Variants in CHRM5 observed in about 807,000 individuals in gnomAD.
CHRM5 encodes muscarinic acetylcholine receptor M5.
CHRM5 carries 18 observed loss-of-function variants against 39.0 expected under a neutral mutation model. That is an observed-to-expected ratio of 0.46 (90% confidence interval 0.32 to 0.68). The LOEUF is 0.68. Ranked by LOEUF, CHRM5 falls within the 30% of genes least tolerant of loss-of-function variation. The probability of loss-of-function intolerance (pLI) is 0.04; values close to 1 mark genes in which losing one functional copy is unlikely to be tolerated. For synonymous variants in CHRM5, 241 were observed against 246.3 expected (o/e 0.98, Z 0.20); for missense variants, 515 against 651.1 (o/e 0.79, Z 2.28).
chr15:34,064,305 A>G lies in CHRM5; in HGVS notation c.1588A>G (p.Lys530Glu), dbSNP rs763340823. ...EEKLYWQGNS[K>E]LP ...GAAGTTGTACTGGCAGGGGAACAGC[A>G]AGCTACCCTGAAAAGTCAACAACTC... is the stretch of plus-strand genomic sequence containing the variant. The change falls in exon 3 of 3, where the codon AAG (lysine) becomes GAG (glutamate). Residue 530 changes from lysine to glutamate, a missense_variant. By Grantham distance (56) the Lys-to-Glu change is moderately conservative (BLOSUM62 1). Transcript: ENST00000383263. 1 of 1,612,194 alleles carries G rather than the reference A, an allele frequency of 6.2e-7. No homozygotes were observed. The highest frequency in any genetic ancestry group is 1.1e-5 in the South Asian group (1 of 90,782).
intron 1 of CHRM5, among the ~76,000 whole-genome samples, chr15:34,033,142 T>A (rs1898940149): frequency 6.6e-6 from 1 of 152,150 alleles, no homozygotes; most frequent in Non-Finnish European, 1.5e-5. Context: ...ATAAGTAATG[T>A]TCATCCACGG....
At chr15:33,986,765 T>C (rs1366128080) in intron 1 of CHRM5, among the ~76,000 whole-genome samples, 1 of 152,028 alleles carries the variant, frequency 6.6e-6, no homozygotes, top group East Asian at 1.9e-4. Context: ...CAAGCGATTC[T>C]CCTGTGTCAG....
intron 1 of CHRM5, among the ~76,000 whole-genome samples, chr15:34,025,124 C>T (rs1212695467): frequency 1.3e-5 from 2 of 151,880 alleles, no homozygotes; most frequent in South Asian, 4.2e-4. Context: ...AAGCAGAGAT[C>T]GCACCACTGC....
intron 1 of CHRM5, among the ~76,000 whole-genome samples, chr15:33,982,106 A>C (rs1030855580): frequency 1.3e-5 from 2 of 151,808 alleles, no homozygotes; most frequent in African/African-American, 2.4e-5. Context: ...ACCTCAGATG[A>C]TCCACCCGCC....
chr15:34,038,912 CCCGCCGCCGCCTCCG>C, intron 1 of CHRM5: 3 of 1,111,808 alleles, frequency 2.7e-6, no homozygotes, highest in South Asian at 4.2e-5. Context: ...CGCCTCCGTC[CCCGCCGCCGCCTCCG>C]CCGCCGCCTC....
intron 1 of CHRM5, among the ~76,000 whole-genome samples, chr15:34,035,629 G>C (rs566083622): frequency 2.6e-5 from 4 of 152,098 alleles, no homozygotes; most frequent in East Asian, 3.9e-4. Flanking sequence ...TTAAGTACTC[G>C]ACAAATGTGA....
intron 1 of CHRM5, among the ~76,000 whole-genome samples, chr15:34,004,320 A>T (rs777580867): frequency 9.0e-4 from 133 of 147,674 alleles, no homozygotes; most frequent in Non-Finnish European, 1.6e-3. Context: ...AAGATGCACA[A>T]TGTGAACAAT....
Position 34,062,713 on chromosome 15 carries a change from C to A in CHRM5, c.-5C>A, listed in dbSNP as rs201746968. The A allele has an allele frequency of 1.0e-4, 161 of 1,599,062 alleles. 1 individual carries two copies. The African/African-American group carries it at 1.8e-3, about 18-fold the overall frequency. On this transcript the variant is annotated 5_prime_UTR_variant, in exon 3 of 3. Coordinates refer to ENST00000383263, the MANE Select transcript of CHRM5 (RefSeq NM_012125.4). ...CACTATTTACTGTAAAATTTTTGCA[C>A]CAGGATGGAAGGGGATTCTTACCAC...
intron 1 of CHRM5, among the ~76,000 whole-genome samples, chr15:34,010,008 T>A (rs1404072531): frequency 6.6e-6 from 1 of 151,950 alleles, no homozygotes; most frequent in African/African-American, 2.4e-5. Context: ...TATAAACATA[T>A]GCTCCTAGGA....
At chr15:34,013,068 TG>T (rs1358562406) in intron 1 of CHRM5, among the ~76,000 whole-genome samples, 13 of 146,348 alleles carry the variant, frequency 8.9e-5, no homozygotes, top group Admixed American at 2.7e-4. Context: ...TTTGTTTGTT[TG>T]TTTGTTTTTT....
At chr15:34,054,106 T>A (rs887260495) in intron 2 of CHRM5, among the ~76,000 whole-genome samples, 2 of 151,448 alleles carry the variant, frequency 1.3e-5, no homozygotes, top group Non-Finnish European at 2.9e-5. Context: ...ATTAGAGAAA[T>A]GCAAATCAAA....
At position 34,027,528 on chromosome 15, in the gene CHRM5, C is replaced by CAA. The variant is rs35780353; in HGVS notation, c.-407-19000_-407-18999dup. On this transcript the variant is annotated intron_variant, in intron 1 of 2. Coordinates refer to ENST00000383263, the MANE Select transcript of CHRM5 (RefSeq NM_012125.4). ...TGGATGACAAAGAGAGACTCTGTCT[C>CAA]AAAAAAAAAAAAAGAAAGAAAACGA... Among the ~76,000 whole-genome samples, 59 of 132,558 alleles carry CAA rather than the reference C, an allele frequency of 4.5e-4. 11 individuals are homozygous for CAA. Among genetic ancestry groups the CAA allele is most frequent in the Non-Finnish European group, 5.1e-4 (32 of 62,990 alleles). The allele number at this position is 132,558 out of a possible 152,430, so 87.0% of individuals were successfully genotyped here.
chr15:34,029,683 G>A (rs916412476), intron 1 of CHRM5, among the ~76,000 whole-genome samples: 8 of 152,192 alleles, frequency 5.3e-5, no homozygotes, highest in African/African-American at 1.9e-4. Flanking sequence ...AGGAAGCCAA[G>A]CTTTGTCTTC....
intron 1 of CHRM5, among the ~76,000 whole-genome samples, chr15:34,015,392 G>A (rs180854789): frequency 3.7e-4 from 56 of 152,182 alleles, no homozygotes; most frequent in African/African-American, 1.3e-3. Flanking sequence ...TGAGGCAGGA[G>A]AATAGCGTGA....
intron 1 of CHRM5, among the ~76,000 whole-genome samples, chr15:33,990,486 G>A (rs1896674485): frequency 6.6e-6 from 1 of 152,148 alleles, no homozygotes; most frequent in South Asian, 2.1e-4. Flanking sequence ...ATAACCAGAA[G>A]AGTATCTGGA....
intron 1 of CHRM5, among the ~76,000 whole-genome samples, chr15:34,025,838 C>A (rs1397264884): frequency 1.3e-5 from 2 of 152,074 alleles, no homozygotes; most frequent in Admixed American, 6.6e-5. Context: ...CCTGTCCAAA[C>A]TCAAGTGATC....
chr15:34,011,874 T>C (rs776692811), intron 1 of CHRM5, among the ~76,000 whole-genome samples: 3 of 152,230 alleles, frequency 2.0e-5, no homozygotes, highest in Non-Finnish European at 4.4e-5. Flanking sequence ...GCGAGTTCTA[T>C]GCTTCAATGA....
At chr15:33,987,832 G>T (rs189085200) in intron 1 of CHRM5, among the ~76,000 whole-genome samples, 78 of 152,286 alleles carry the variant, frequency 5.1e-4, no homozygotes, top group African/African-American at 1.6e-3. Context: ...CAAGATGAGT[G>T]GGATCACACC....
chr15:34,034,900 A>C (rs1424257391), intron 1 of CHRM5, among the ~76,000 whole-genome samples: 1 of 152,186 alleles, frequency 6.6e-6, no homozygotes, highest in East Asian at 1.9e-4. Context: ...AAAAAGGAAA[A>C]TAAAGTCTAG....
Sources: gnomAD v4.1 joint callset for allele counts (sites outside exome capture counted in the v4.1 genomes callset) on GRCh38, gnomAD v4.1.1 for gene constraint, MANE v1.5 for transcripts, NCBI Gene and HGNC (gene_info 2026-07-23, HGNC 2026-07-21) for gene names.